Variants in DST observed in about 807,000 individuals in gnomAD.
The protein encoded by DST is bullous pemphigoid antigen.
A neutral mutation model predicts 875.2 loss-of-function variants in DST; 253 were observed. The observed-to-expected ratio is 0.29, with a 90% CI of 0.26 to 0.32. The LOEUF is 0.32. Ranked by LOEUF, DST falls within the 10% of genes least tolerant of loss-of-function variation. DST has a pLI of 1.00. For missense variants in DST, 8,287 were observed against 9,111.6 expected, an observed-to-expected ratio of 0.91 and a Z score of 3.68; for synonymous variants, 3,124 against 3,197.1, an observed-to-expected ratio of 0.98 and a Z score of 0.77.
intron 10 of DST, among the ~76,000 whole-genome samples, chr6:56,654,374 T>A (rs905921328): frequency 6.6e-6 from 1 of 151,970 alleles, no homozygotes; most frequent in African/African-American, 2.4e-5. Flanking sequence ...AAATTAGAAG[T>A]ATAAAACCAA....
chr6:56,830,418 T>G (rs2099785608), intron 4 of DST, among the ~76,000 whole-genome samples: 2 of 152,212 alleles, frequency 1.3e-5, no homozygotes, highest in South Asian at 4.1e-4. Flanking sequence ...GAATTACAGA[T>G]TTTTACTCAT....
Position 56,609,094 on chromosome 6 carries a change from ATAATCTC to A in DST, c.5527_5533del (p.Glu1843PhefsTer15). 1 of 1,613,836 alleles carries A rather than the reference ATAATCTC, an allele frequency of 6.2e-7. No individual in the cohort carries two copies. The highest frequency in any genetic ancestry group is 1.3e-5 in the African/African-American group (1 of 75,046). Reference sequence around the variant, plus strand: ...AATTGTGGTAGGTGACGCAGCAGAAATAATCTCCTTAGCTTTACTTAGTTCTTTGAGT... The same window carrying A: ...AATTGTGGTAGGTGACGCAGCAGAAACTTAGCTTTACTTAGTTCTTTGAGT... On this transcript the variant is annotated frameshift_variant, in exon 40 of 104. Coordinates refer to ENST00000680361, the MANE Select transcript of DST (RefSeq NM_001374736.1). LOFTEE classifies it high-confidence loss of function.
At chr6:56,544,603 C>T (rs920037977) in intron 61 of DST, among the ~76,000 whole-genome samples, 8 of 152,222 alleles carry the variant, frequency 5.3e-5, no homozygotes, top group Non-Finnish European at 1.2e-4. Flanking sequence ...ACTGTCCTTA[C>T]ACCACTTACA....
chr6:56,808,349 C>A (rs1220249523), intron 4 of DST, among the ~76,000 whole-genome samples: 1 of 151,478 alleles, frequency 6.6e-6, no homozygotes, highest in Non-Finnish European at 1.5e-5. Context: ...ATTAAATACT[C>A]CAGCAATAAA....
intron 4 of DST, among the ~76,000 whole-genome samples, chr6:56,833,775 T>G (rs1469120212): frequency 1.3e-5 from 2 of 152,280 alleles, no homozygotes; most frequent in African/African-American, 4.8e-5. Flanking sequence ...CCTTATTTAT[T>G]TAAATAATAG....
intron 2 of DST, among the ~76,000 whole-genome samples, chr6:56,943,204 C>T (rs1186183179): frequency 1.3e-5 from 2 of 152,070 alleles, no homozygotes; most frequent in African/African-American, 4.8e-5. Flanking sequence ...CCACTTGGCA[C>T]TAATGTGACT....
intron 14 of DST, 32 bp downstream of exon 14, chr6:56,646,055 T>C (rs765842250): frequency 6.3e-7 from 1 of 1,577,910 alleles, no homozygotes; most frequent in Non-Finnish European, 8.6e-7. Context: ...ACAAAGACTA[T>C]GCTTGACAAT....
chr6:56,533,520 T>G (rs1173616608), intron 63 of DST, among the ~76,000 whole-genome samples: 1 of 152,238 alleles, frequency 6.6e-6, no homozygotes, highest in Non-Finnish European at 1.5e-5. Context: ...ACATACAAAC[T>G]GTGTTGGCAC....
At chr6:56,897,456 G>A (rs931353585) in intron 3 of DST, among the ~76,000 whole-genome samples, 8 of 152,016 alleles carry the variant, frequency 5.3e-5, no homozygotes, top group East Asian at 3.8e-4. Context: ...TCCACCTCCC[G>A]AGTAGCTGGG....
At chr6:56,824,907 C>T (rs2099778168) in intron 4 of DST, among the ~76,000 whole-genome samples, 1 of 151,454 alleles carries the variant, frequency 6.6e-6, no homozygotes, top group Non-Finnish European at 1.5e-5. Context: ...GCCAGCCGCC[C>T]CGTCCGGGAG....
chr6:56,609,784 T>C (rs1005797697), intron 39 of DST, among the ~76,000 whole-genome samples: 1 of 152,144 alleles, frequency 6.6e-6, no homozygotes, highest in Admixed American at 6.6e-5. Context: ...TCAAAGATAG[T>C]CAAAAACTAA....
At chr6:56,849,087 G>T in intron 4 of DST, among the ~76,000 whole-genome samples, 1 of 147,680 alleles carries the variant, frequency 6.8e-6, no homozygotes. Context: ...CTTCCCTACT[G>T]TTTGTTGTTT....
rs540640456 is a variant in DST at position 56,790,840 on chromosome 6, C to T, written c.626-55551G>A. Among the ~76,000 whole-genome samples the T allele has an allele frequency of 3.2e-4, 48 of 152,318 alleles. 1 individual carries two copies. The highest frequency in any genetic ancestry group is 1.2e-3 in the African/African-American group (48 of 41,576). ...ATTATACTGACCAAATACAAGAAAG[C>T]TTTCCGTTGTTTTGAACAAAAGAAG... On this transcript the variant is annotated intron_variant, in intron 4 of 103. Transcript: ENST00000680361.
chr6:56,906,000 T>C (rs1000319173), intron 2 of DST, among the ~76,000 whole-genome samples: 1 of 152,174 alleles, frequency 6.6e-6, no homozygotes. Context: ...TTAGATTGTT[T>C]CCATATCTTG....
chr6:56,836,094 AAAGT>A (rs1291211193), intron 4 of DST, among the ~76,000 whole-genome samples: 4 of 152,248 alleles, frequency 2.6e-5, no homozygotes, highest in African/African-American at 4.8e-5. Flanking sequence ...TATTTGAATA[AAAGT>A]AATATCTATA....
chr6:56,600,235 A>G lies in DST; in HGVS notation c.11542-14T>C. ...CTCTGCTACAATCTAAAGTGAAGAA[A>G]ACCCAAAACATCTTAAATGTATGGT... On this transcript the variant is annotated splice_polypyrimidine_tract_variant and intron_variant, in intron 44 of 103. Transcript: ENST00000680361. The G allele has an allele frequency of 6.2e-7, 1 of 1,607,780 alleles. No homozygotes were observed. Among genetic ancestry groups the G allele is most frequent in the Admixed American group, 1.7e-5 (1 of 59,300 alleles).
At chr6:56,509,550 A>T (rs1415752208) in intron 74 of DST, 92 bp downstream of exon 74, 4 of 924,600 alleles carry the variant, frequency 4.3e-6, no homozygotes, top group Non-Finnish European at 6.6e-6. Context: ...CTTTTTTAAG[A>T]TGCGGCATTT....
At chr6:56,488,872 T>C (rs893524695) in intron 86 of DST, among the ~76,000 whole-genome samples, 1 of 152,008 alleles carries the variant, frequency 6.6e-6, no homozygotes, top group Non-Finnish European at 1.5e-5. Context: ...TTGAATGTCA[T>C]GTGGAAGATA....
At chr6:56,753,263 T>C (rs1347973071) in intron 4 of DST, among the ~76,000 whole-genome samples, 1 of 152,160 alleles carries the variant, frequency 6.6e-6, no homozygotes, top group African/African-American at 2.4e-5. Flanking sequence ...TACAAAGATA[T>C]GCCATGCTAA....
Sources: allele counts gnomAD v4.1 joint callset (sites outside exome capture counted in the v4.1 genomes callset), GRCh38; gene constraint gnomAD v4.1.1; transcripts MANE v1.5; gene names NCBI Gene and HGNC (gene_info 2026-07-23, HGNC 2026-07-21).